Variants in ARHGAP35 observed in about 807,000 individuals in gnomAD.
The protein encoded by ARHGAP35 is Rho GTPase activating protein 35, also known as rho GTPase-activating protein 35.
Under a neutral mutation model 111.1 loss-of-function variants are expected in ARHGAP35, and 15 were observed. That is an observed-to-expected ratio of 0.13 (90% CI 0.09 to 0.21). The LOEUF is 0.21. Among genes scored for constraint, ARHGAP35 ranks in the 10% least tolerant of loss-of-function variants. The pLI is 1.00. For missense variants in ARHGAP35, 1,262 were observed against 1,873.0 expected, an observed-to-expected ratio of 0.67 and a Z score of 6.02; for synonymous variants, 643 against 710.3, an observed-to-expected ratio of 0.91 and a Z score of 1.51.
At chr19:46,936,169 G>C (rs1048421108) in intron 2 of ARHGAP35, among the ~76,000 whole-genome samples, 5 of 152,154 alleles carry the variant, frequency 3.3e-5, no homozygotes, top group African/African-American at 1.2e-4. Flanking sequence ...TTGAGCCCAG[G>C]AGGTCCAGGC....
chr19:46,998,966 A>G (rs1400932932), intron 5 of ARHGAP35: 1 of 256,658 alleles, frequency 3.9e-6, no homozygotes, highest in Non-Finnish European at 7.4e-6. Flanking sequence ...CTGCGTAGGG[A>G]TGCCTGTCTC....
intron 3 of ARHGAP35, among the ~76,000 whole-genome samples, chr19:46,983,781 T>C (rs1238836575): frequency 6.6e-6 from 1 of 151,558 alleles, no homozygotes; most frequent in African/African-American, 2.4e-5. Context: ...GCCTGGCTAA[T>C]TTTTTTTGTA....
At chr19:46,881,708 TAAA>T (rs1225844089) in intron 1 of ARHGAP35, among the ~76,000 whole-genome samples, 1 of 152,240 alleles carries the variant, frequency 6.6e-6, no homozygotes, top group African/African-American at 2.4e-5. Flanking sequence ...GGCTTCAATT[TAAA>T]AAGTTACTAG....
In ARHGAP35 at chr19:46,874,070, C is replaced by G. The variant is rs1203516326; in HGVS notation, c.-189+12861C>G. Among the ~76,000 whole-genome samples, 5 of 152,064 alleles carry G rather than the reference C, an allele frequency of 3.3e-5. No homozygotes were observed. In the East Asian group the frequency reaches 9.6e-4, roughly 29 times the overall value. On this transcript the variant is annotated intron_variant, in intron 1 of 6. Coordinates refer to ENST00000672722, the MANE Select transcript of ARHGAP35 (RefSeq NM_004491.5). The stretch of plus-strand genomic sequence containing the variant: ...CTAAGCTATTAATTAAATTTTTTTT[C>G]CCAAAGTCCTGTTTTGAAGTCCTGT...
At chr19:46,875,967 G>C (rs1459482086) in intron 1 of ARHGAP35, among the ~76,000 whole-genome samples, 1 of 152,100 alleles carries the variant, frequency 6.6e-6, no homozygotes, top group Non-Finnish European at 1.5e-5. Flanking sequence ...CATTTGTGGA[G>C]GCCTCCGTTA....
At chr19:46,885,744 C>G (rs542062002) in intron 1 of ARHGAP35, among the ~76,000 whole-genome samples, 13 of 152,022 alleles carry the variant, frequency 8.6e-5, no homozygotes, top group South Asian at 2.1e-4. Context: ...ATTTTCCCCT[C>G]CACCTTTTTA....
intron 1 of ARHGAP35, among the ~76,000 whole-genome samples, chr19:46,872,071 T>C (rs2055890623): frequency 6.6e-6 from 1 of 152,170 alleles, no homozygotes; most frequent in South Asian, 2.1e-4. Context: ...ATGTTAACTA[T>C]ATGAATGTTT....
At chr19:46,892,201 G>A (rs1398868040) in intron 1 of ARHGAP35, among the ~76,000 whole-genome samples, 1 of 149,464 alleles carries the variant, frequency 6.7e-6, no homozygotes, top group Non-Finnish European at 1.5e-5. Flanking sequence ...CTACTTGGGA[G>A]ACTGAGGTAG....
At chr19:46,939,431 A>T (rs2122228526) in intron 3 of ARHGAP35, among the ~76,000 whole-genome samples, 1 of 150,104 alleles carries the variant, frequency 6.7e-6, no homozygotes, top group African/African-American at 2.4e-5. Context: ...ATTTTTTTAG[A>T]TGGAGTCTAA....
chr19:46,917,416 C>T (rs1370444298), intron 1 of ARHGAP35, among the ~76,000 whole-genome samples: 1 of 151,996 alleles, frequency 6.6e-6, no homozygotes, highest in Non-Finnish European at 1.5e-5. Flanking sequence ...GAAACCAGCC[C>T]GGGCAACATG....
intron 3 of ARHGAP35, among the ~76,000 whole-genome samples, chr19:46,973,047 A>G (rs1328482415): frequency 6.6e-6 from 1 of 152,132 alleles, no homozygotes; most frequent in Non-Finnish European, 1.5e-5. Flanking sequence ...ACAAATCTGT[A>G]CATTTTCTTT....
At position 46,986,359 on chromosome 19, in the gene ARHGAP35, C is replaced by T. The variant is rs775693635; in HGVS notation, c.3827-1630C>T. On this transcript the variant is annotated intron_variant, in intron 3 of 6. Transcript: ENST00000672722. The surrounding 1 kb of genome is among the most constrained non-coding windows in gnomAD (Gnocchi z 4.3). ...TCCCTTGATATTTTATTCTAACTTA[C>T]GTATTTAATTGACTTTTACTACTTT... is the stretch of plus-strand genomic sequence containing the variant. 9.2e-5 allele frequency among the ~76,000 whole-genome samples: 14 copies of T among 152,242 alleles called. No individual in the cohort carries two copies. The highest frequency in any genetic ancestry group is 2.1e-4 in the South Asian group (1 of 4,824).
At chr19:46,878,129 GTCTC>G (rs1045096279) in intron 1 of ARHGAP35, among the ~76,000 whole-genome samples, 11 of 151,998 alleles carry the variant, frequency 7.2e-5, no homozygotes, top group African/African-American at 2.7e-4. Context: ...ATTTAAGCGA[GTCTC>G]TCTCAGCATC....
In ARHGAP35 at chr19:46,999,383, CA is replaced by C; in HGVS notation, c.4118del (p.Lys1373SerfsTer7). ...KFPKENHEVF[K>X]YVISHLNKVS... ...TTCCAAAGGAAAACCACGAAGTCTT[CA>C]AGTATGTCATCTCTCACCTAAACAA... On this transcript the variant is annotated frameshift_variant, in exon 6 of 7. Coordinates refer to ENST00000672722, the MANE Select transcript of ARHGAP35 (RefSeq NM_004491.5). LOFTEE classifies it high-confidence loss of function. The surrounding 1 kb of genome is among the most constrained non-coding windows in gnomAD (Gnocchi z 5.4). 6.3e-7 allele frequency: 1 copy of C among 1,588,872 alleles called. No individual in the cohort carries two copies. The highest frequency in any genetic ancestry group is 8.6e-7 in the Non-Finnish European group (1 of 1,167,472).
At chr19:46,874,764 A>G (rs1599792889) in intron 1 of ARHGAP35, among the ~76,000 whole-genome samples, 1 of 149,242 alleles carries the variant, frequency 6.7e-6, no homozygotes, top group African/African-American at 2.5e-5. Flanking sequence ...TGGCCTCCCA[A>G]AGCGCTAGGA....
intron 3 of ARHGAP35, among the ~76,000 whole-genome samples, chr19:46,957,759 TGTTA>T (rs1218576915): frequency 1.3e-5 from 2 of 152,206 alleles, no homozygotes; most frequent in Non-Finnish European, 2.9e-5. Flanking sequence ...CACACCTGAC[TGTTA>T]GTTCAGGATC....
At position 46,919,643 on chromosome 19, in the gene ARHGAP35, A is replaced by G; in HGVS notation, c.968A>G (p.Gln323Arg). Reference protein sequence around the residue: ...GTQKAKKLFLQHIHRLKHEHI... With the variant: ...GTQKAKKLFLRHIHRLKHEHI... ...CAGAAAGCCAAGAAGCTGTTTCTAC[A>G]GCACATCCACCGCCTCAAGCATGAG... The change falls in exon 2 of 7, where the codon CAG becomes CGG. Residue 323 changes from glutamine to arginine, a missense_variant. Gln to Arg is a conservative substitution (Grantham distance 43). Coordinates refer to ENST00000672722, the MANE Select transcript of ARHGAP35 (RefSeq NM_004491.5). The surrounding 1 kb of genome is among the most constrained non-coding windows in gnomAD (Gnocchi z 6.2). The G allele has an allele frequency of 6.2e-7, 1 of 1,614,004 alleles. No homozygotes were observed. The highest frequency in any genetic ancestry group is 8.5e-7 in the Non-Finnish European group (1 of 1,179,872).
intron 3 of ARHGAP35, among the ~76,000 whole-genome samples, chr19:46,963,773 C>T (rs1423403047): frequency 6.6e-6 from 1 of 152,218 alleles, no homozygotes; most frequent in Non-Finnish European, 1.5e-5. Context: ...ACGTAGTATG[C>T]TTTAATAATG....
chr19:46,866,446 T>A (rs141871253), intron 1 of ARHGAP35, among the ~76,000 whole-genome samples: 1 of 152,326 alleles, frequency 6.6e-6, no homozygotes, highest in African/African-American at 2.4e-5. Flanking sequence ...GGCAGTGACC[T>A]GGCTTCTGAT....
Sources: allele counts gnomAD v4.1 joint callset (sites outside exome capture counted in the v4.1 genomes callset), GRCh38; gene constraint gnomAD v4.1.1; non-coding constraint Gnocchi (gnomAD v3.1); transcripts MANE v1.5; gene names NCBI Gene and HGNC (gene_info 2026-07-23, HGNC 2026-07-21).